Variants in DGKB observed in about 807,000 individuals in gnomAD.
DGKB encodes the protein diacylglycerol kinase beta.
Under a neutral mutation model 114.3 loss-of-function variants are expected in DGKB, and 67 were observed. The ratio of observed to expected loss-of-function variants is 0.59; its 90% CI spans 0.48 to 0.72. The LOEUF (loss-of-function observed/expected upper bound fraction) is 0.72. Ranked by LOEUF, DGKB falls within the 30% of genes least tolerant of loss-of-function variation. The pLI is 0.00. For missense variants in DGKB, 907 were observed against 975.2 expected (o/e 0.93, Z 0.93); for synonymous variants, 398 against 323.1 (o/e 1.23, Z -2.49).
Position 14,757,756 on chromosome 7 carries a change from A to T in DGKB, c.71-25T>A, listed in dbSNP as rs768276492. ...TCTATAAAAAACAGAAAACACAAAAATTGTTTATATGCACATACTGTGGTT... is the reference window on the plus strand; with the variant it reads ...TCTATAAAAAACAGAAAACACAAAATTTGTTTATATGCACATACTGTGGTT... On this transcript the variant is annotated intron_variant, in intron 2 of 25. Transcript: ENST00000402815. The T allele has an allele frequency of 1.4e-5, 19 of 1,358,682 alleles. No individual in the cohort carries two copies. In the African/African-American group the frequency reaches 2.6e-4, roughly 19 times the overall value. The allele number at this position is 1,358,682 out of a possible 1,614,324, so 84.2% of individuals were successfully genotyped here.
chr7:14,303,861 C>T lies in DGKB; in HGVS notation c.2122+34654G>A, dbSNP rs559014084. On this transcript the variant is annotated intron_variant, in intron 23 of 25. Coordinates refer to ENST00000402815, the MANE Select transcript of DGKB (RefSeq NM_001350709.2). ...TTTCATGCACTTTGCTTGCATTTAT[C>T]GCCACCATGAAAATTACCCAAGGAT... Among the ~76,000 whole-genome samples, 19 of 152,120 alleles carry T rather than the reference C, an allele frequency of 1.2e-4. 1 individual carries two copies. Among genetic ancestry groups the T allele is most frequent in the Middle Eastern group, 3.4e-3 (1 of 294 alleles).
intron 13 of DGKB, among the ~76,000 whole-genome samples, chr7:14,637,609 T>C (rs897950706): frequency 3.3e-4 from 50 of 151,580 alleles, no homozygotes; most frequent in African/African-American, 1.2e-3. Flanking sequence ...TATATACCTA[T>C]ATATGTGTAT....
At chr7:14,800,142 T>A (rs1034404354) in intron 2 of DGKB, among the ~76,000 whole-genome samples, 2 of 152,132 alleles carry the variant, frequency 1.3e-5, no homozygotes, top group Admixed American at 6.5e-5. Context: ...GGTCTCAATC[T>A]CTTGACCTCA....
At chr7:14,675,618 A>G (rs1311128211) in intron 12 of DGKB, among the ~76,000 whole-genome samples, 1 of 151,560 alleles carries the variant, frequency 6.6e-6, no homozygotes, top group African/African-American at 2.4e-5. Flanking sequence ...TAAATCTAGT[A>G]TGGGATTTCC....
chr7:14,449,108 C>T (rs1831119527), intron 21 of DGKB, among the ~76,000 whole-genome samples: 1 of 152,020 alleles, frequency 6.6e-6, no homozygotes, highest in African/African-American at 2.4e-5. Flanking sequence ...ACCAAATATA[C>T]ATAGAAAATA....
chr7:14,396,488 G>C (rs937713273), intron 21 of DGKB, among the ~76,000 whole-genome samples: 4 of 152,036 alleles, frequency 2.6e-5, no homozygotes, highest in African/African-American at 9.7e-5. Context: ...TACATACTGA[G>C]ATTTAATGCA....
intron 9 of DGKB, among the ~76,000 whole-genome samples, chr7:14,693,367 G>C (rs1479676358): frequency 2.0e-5 from 3 of 151,844 alleles, no homozygotes; most frequent in African/African-American, 7.3e-5. Flanking sequence ...CTTCAAGTCT[G>C]GGTCAGCAAG....
At chr7:14,392,995 G>GTTTTGTTTTTTTTTTTTTTTTTTTTTT (rs1554404749) in intron 21 of DGKB, among the ~76,000 whole-genome samples, 6 of 60,548 alleles carry the variant, frequency 9.9e-5, no homozygotes, top group East Asian at 5.3e-4. Context: ...TTTTGTTTTT[G>GTTTTGTTTTTTTTTTTTTTTTTTTTTT]TTTTTTTTTT....
intron 2 of DGKB, among the ~76,000 whole-genome samples, chr7:14,775,105 A>G (rs534768467): frequency 1.3e-5 from 2 of 152,254 alleles, no homozygotes; most frequent in African/African-American, 4.8e-5. Flanking sequence ...TCGTGAGCAT[A>G]AATACATATT....
chr7:14,388,663 A>G (rs1017749600), intron 21 of DGKB, among the ~76,000 whole-genome samples: 1 of 152,128 alleles, frequency 6.6e-6, no homozygotes, highest in African/African-American at 2.4e-5. Context: ...AAGAATAAGT[A>G]AATTAGTAAA....
At chr7:14,238,776 C>T (rs982387456) in intron 23 of DGKB, among the ~76,000 whole-genome samples, 12 of 151,576 alleles carry the variant, frequency 7.9e-5, no homozygotes, top group Non-Finnish European at 1.0e-4. Context: ...GGTGGAATTT[C>T]ATATTATATC....
At chr7:14,542,786 T>C (rs1312745520) in intron 20 of DGKB, among the ~76,000 whole-genome samples, 2 of 152,200 alleles carry the variant, frequency 1.3e-5, no homozygotes, top group African/African-American at 2.4e-5. Context: ...AGCAATCGCA[T>C]CCAGAGGACT....
intron 21 of DGKB, among the ~76,000 whole-genome samples, chr7:14,414,812 G>A (rs952283545): frequency 4.6e-5 from 7 of 152,084 alleles, no homozygotes; most frequent in African/African-American, 9.7e-5. Flanking sequence ...TCTTAGGGAT[G>A]TGTGAAGGGC....
chr7:14,486,446 C>T (rs1271501300), intron 20 of DGKB, among the ~76,000 whole-genome samples: 1 of 152,142 alleles, frequency 6.6e-6, no homozygotes, highest in Non-Finnish European at 1.5e-5. Flanking sequence ...AGTTACCAGA[C>T]CCAGAGGGAA....
At chr7:14,767,287 A>C (rs1836603135) in intron 2 of DGKB, among the ~76,000 whole-genome samples, 1 of 151,910 alleles carries the variant, frequency 6.6e-6, no homozygotes, top group African/African-American at 2.4e-5. Flanking sequence ...TTCATAGCAG[A>C]AGGTCTGGCT....
intron 2 of DGKB, among the ~76,000 whole-genome samples, chr7:14,828,029 T>C (rs1240800063): frequency 1.3e-5 from 2 of 152,084 alleles, no homozygotes; most frequent in Admixed American, 1.3e-4. Context: ...TTTGCTGAGG[T>C]CTGTGTGATC....
At chr7:14,885,829 T>C (rs1483027432) in intron 1 of DGKB, among the ~76,000 whole-genome samples, 6 of 151,894 alleles carry the variant, frequency 4.0e-5, no homozygotes, top group African/African-American at 7.2e-5. Context: ...AGTGCTAAAG[T>C]CAGGATTTAA....
At chr7:14,716,936 G>C (rs2128345561) in intron 6 of DGKB, among the ~76,000 whole-genome samples, 1 of 151,808 alleles carries the variant, frequency 6.6e-6, no homozygotes, top group South Asian at 2.1e-4. Context: ...CTGAAGAAAT[G>C]GTTTAAAACA....
At chr7:14,651,069 C>T (rs1814363019) in intron 13 of DGKB, among the ~76,000 whole-genome samples, 1 of 152,112 alleles carries the variant, frequency 6.6e-6, no homozygotes, top group Non-Finnish European at 1.5e-5. Context: ...ACCAGAGGTA[C>T]AAGGAGGAGC....
Sources: allele counts gnomAD v4.1 joint callset (sites outside exome capture counted in the v4.1 genomes callset), GRCh38; gene constraint gnomAD v4.1.1; transcripts MANE v1.5; gene names NCBI Gene and HGNC (gene_info 2026-07-23, HGNC 2026-07-21).